CFAP20DC: variants seen among roughly 807,000 people sequenced by gnomAD.
The protein encoded by CFAP20DC is CFAP20 domain containing.
A neutral mutation model predicts 101.7 loss-of-function variants in CFAP20DC; 84 were observed. The observed-to-expected ratio is 0.83, with a 90% CI of 0.69 to 0.99. The LOEUF is 0.99. CFAP20DC is among the 50% of genes least tolerant of loss of function. The pLI, the probability that CFAP20DC is intolerant of heterozygous loss-of-function variation, is 0.00. For synonymous variants in CFAP20DC, 359 were observed against 351.2 expected (o/e 1.02, Z -0.25); for missense variants, 1,007 against 970.3 (o/e 1.04, Z -0.50).
chr3:58,836,014 C>G (rs543457437), intron 13 of CFAP20DC, among the ~76,000 whole-genome samples: 2 of 152,104 alleles, frequency 1.3e-5, no homozygotes, highest in Non-Finnish European at 2.9e-5. Flanking sequence ...GTCCTAGGAA[C>G]GAGGCAATGG....
intron 5 of CFAP20DC, among the ~76,000 whole-genome samples, chr3:58,932,641 T>C (rs2086880981): frequency 1.3e-5 from 2 of 152,086 alleles, no homozygotes; most frequent in South Asian, 2.1e-4. Context: ...AGAAAAGAAT[T>C]TTCAACCCAG....
At chr3:58,741,760 T>C (rs746941607), downstream of CFAP20DC, among the ~76,000 whole-genome samples, 1 of 148,666 alleles carries the variant, frequency 6.7e-6, no homozygotes, top group Non-Finnish European at 1.5e-5. Context: ...CCTCCCAAGA[T>C]TTTTTTTTTT....
rs537160862 is a variant in CFAP20DC, at chr3:58,843,825, C to T, written c.1971+5207G>A. 6.9e-3 allele frequency among the ~76,000 whole-genome samples: 994 copies of T among 144,292 alleles called. 9 individuals carry two copies. Among genetic ancestry groups the T allele is most frequent in the South Asian group, 0.021 (89 of 4,154 alleles). The allele number at this position is 144,292 out of a possible 152,430, so 94.7% of individuals were successfully genotyped here. Reference sequence around the variant, plus strand: ...CTAACAGCGGATCTCTCGGCAGAAACCCTACAAGCCAGAAGAGAGTGGGGG... The same window carrying T: ...CTAACAGCGGATCTCTCGGCAGAAATCCTACAAGCCAGAAGAGAGTGGGGG... On this transcript the variant is annotated intron_variant, in intron 13 of 16. Transcript: ENST00000482387.
downstream of CFAP20DC, among the ~76,000 whole-genome samples, chr3:58,738,253 C>A (rs1181201357): frequency 2.0e-5 from 3 of 151,880 alleles, no homozygotes; most frequent in African/African-American, 7.3e-5. This position sits in a 1 kb window ranked among gnomAD's most constrained non-coding sequence, Gnocchi z 4.4. Flanking sequence ...TAAACGTGTG[C>A]CATGGTGGTT....
intron 5 of CFAP20DC, among the ~76,000 whole-genome samples, chr3:58,930,092 C>T (rs921608379): frequency 3.3e-5 from 5 of 152,188 alleles, no homozygotes; most frequent in African/African-American, 1.2e-4. Context: ...TCTCTGACCA[C>T]TCTCCTTTTA....
chr3:58,929,446 T>A (rs532096733), intron 5 of CFAP20DC, among the ~76,000 whole-genome samples: 1 of 152,224 alleles, frequency 6.6e-6, no homozygotes, highest in Admixed American at 6.5e-5. Flanking sequence ...CTCTGAAGAA[T>A]CTTACATGAA....
Position 58,897,057 on chromosome 3 carries a change from C to G in CFAP20DC, c.551-12348G>C, listed in dbSNP as rs972439634. On this transcript the variant is annotated intron_variant, in intron 6 of 16. Coordinates refer to ENST00000482387, the MANE Select transcript of CFAP20DC (RefSeq NM_001394063.1). The surrounding 1 kb of genome is among the most constrained non-coding windows in gnomAD (Gnocchi z 4.4). ...AGTCTCTAAGAACCTGCTTTATGAACCTGCATGCTCCTGTATTGGGTGCAT... is the reference window on the plus strand; with the variant it reads ...AGTCTCTAAGAACCTGCTTTATGAAGCTGCATGCTCCTGTATTGGGTGCAT... 6.6e-6 allele frequency among the ~76,000 whole-genome samples: 1 copy of G among 152,062 alleles called. No homozygotes were observed. Among genetic ancestry groups the G allele is most frequent in the East Asian group, 1.9e-4 (1 of 5,198 alleles).
At chr3:58,805,929 T>C (rs2074022254) in intron 15 of CFAP20DC, among the ~76,000 whole-genome samples, 1 of 152,246 alleles carries the variant, frequency 6.6e-6, no homozygotes, top group African/African-American at 2.4e-5. Context: ...CATTTGAACT[T>C]TTATAAGCTA....
chr3:58,920,246 A>C (rs2085211552), intron 5 of CFAP20DC, among the ~76,000 whole-genome samples: 1 of 151,594 alleles, frequency 6.6e-6, no homozygotes, highest in African/African-American at 2.4e-5. Flanking sequence ...ATAAGCCAAC[A>C]TGTCTGGCTA....
chr3:58,949,361 T>G (rs763893197), intron 4 of CFAP20DC, among the ~76,000 whole-genome samples: 8 of 152,332 alleles, frequency 5.3e-5, no homozygotes, highest in Non-Finnish European at 1.0e-4. Context: ...CTCTAGTTCT[T>G]TTAATTGTGA....
At position 58,861,340 on chromosome 3, in the gene CFAP20DC, A is replaced by C. The variant is rs1400161712; in HGVS notation, c.1593+2218T>G. 5 of 746,106 alleles carry C rather than the reference A, an allele frequency of 6.7e-6. No homozygotes were observed. The African/African-American group carries it at 9.5e-5, about 14-fold the overall frequency. The allele number at this position is 746,106 out of a possible 1,614,324, so 46.2% of individuals were successfully genotyped here. On this transcript the variant is annotated intron_variant, in intron 12 of 16. Coordinates refer to ENST00000482387, the MANE Select transcript of CFAP20DC (RefSeq NM_001394063.1). The surrounding 1 kb of genome is among the most constrained non-coding windows in gnomAD (Gnocchi z 4.0). ...ACTTGACATTATGTTTTCCTGAAGT[A>C]TAATTATACAAAGATAAGGATGTAA...
At position 58,898,216 on chromosome 3, in the gene CFAP20DC, C is replaced by G. The variant is rs1247113276; in HGVS notation, c.551-13507G>C. Among the ~76,000 whole-genome samples the G allele has an allele frequency of 2.6e-5, 4 of 151,710 alleles. No homozygotes were observed. In the East Asian group the frequency reaches 7.7e-4, roughly 29 times the overall value. ...GTGAGATAGTGTCTCACTCTGTCAC[C>G]CAGGCTACAGTGCAGTGGTGTGATC... On this transcript the variant is annotated intron_variant, in intron 6 of 16. Transcript: ENST00000482387.
intron 4 of CFAP20DC, among the ~76,000 whole-genome samples, chr3:59,030,629 A>G (rs1458245459): frequency 6.6e-6 from 1 of 152,212 alleles, no homozygotes; most frequent in African/African-American, 2.4e-5. Context: ...TGAATTTAAA[A>G]TATAGTCATT....
chr3:58,817,234 T>C (rs1249419809), intron 14 of CFAP20DC, among the ~76,000 whole-genome samples: 1 of 152,058 alleles, frequency 6.6e-6, no homozygotes, highest in Non-Finnish European at 1.5e-5. Context: ...GCAGAGCGCC[T>C]CTCTTCCTCC....
chr3:58,898,170 C>T (rs2082826980), intron 6 of CFAP20DC, among the ~76,000 whole-genome samples: 1 of 150,638 alleles, frequency 6.6e-6, no homozygotes, highest in Non-Finnish European at 1.5e-5. Flanking sequence ...TATTCTGTTA[C>T]TGATACTTTT....
At chr3:58,975,971 C>T (rs2092254470) in intron 4 of CFAP20DC, among the ~76,000 whole-genome samples, 1 of 152,176 alleles carries the variant, frequency 6.6e-6, no homozygotes. Context: ...CGAAGTGCTT[C>T]TCTTATCTCC....
In CFAP20DC at chr3:58,770,115, A is replaced by G. The variant is rs575943786; in HGVS notation, c.2238-16252T>C. 1.1e-4 allele frequency among the ~76,000 whole-genome samples: 17 copies of G among 152,310 alleles called. No homozygotes were observed. In the East Asian group the frequency reaches 2.3e-3, roughly 21 times the overall value. ...AATATTAATGACAAAGCATCTTGGG[A>G]CTATTTTCTAGACACTGAACTATTA... is the stretch of plus-strand genomic sequence containing the variant. On this transcript the variant is annotated intron_variant, in intron 15 of 16. Transcript: ENST00000482387.
rs2082987706 is a variant in CFAP20DC at position 58,899,770 on chromosome 3, CCTG to C, written c.550+13935_550+13937del. On this transcript the variant is annotated intron_variant, in intron 6 of 16. Coordinates refer to ENST00000482387, the MANE Select transcript of CFAP20DC (RefSeq NM_001394063.1). This position sits in a 1 kb window ranked among gnomAD's most constrained non-coding sequence, Gnocchi z 5.0. Reference sequence around the variant, plus strand: ...ACTCCCGGATGGGCCATCACCCCACCCTGCTTTTTTTCCATTCTCTGCAGGTCA... The same window carrying C: ...ACTCCCGGATGGGCCATCACCCCACCCTTTTTTTCCATTCTCTGCAGGTCA... Among the ~76,000 whole-genome samples, 1 of 152,220 alleles carries C rather than the reference CCTG, an allele frequency of 6.6e-6. No individual in the cohort carries two copies. The highest frequency in any genetic ancestry group is 2.4e-5 in the African/African-American group (1 of 41,556).
chr3:58,775,164 G>C (rs2107526539), intron 15 of CFAP20DC, among the ~76,000 whole-genome samples: 1 of 152,250 alleles, frequency 6.6e-6, no homozygotes, highest in South Asian at 2.1e-4. Context: ...ATCAATATGA[G>C]TAAGACATAC....
Sources: allele counts gnomAD v4.1 joint callset (sites outside exome capture counted in the v4.1 genomes callset), GRCh38; gene constraint gnomAD v4.1.1; non-coding constraint Gnocchi (gnomAD v3.1); transcripts MANE v1.5; gene names NCBI Gene and HGNC (gene_info 2026-07-23, HGNC 2026-07-21).